DOCK4: variants seen among roughly 807,000 people sequenced by gnomAD.
DOCK4 encodes the protein dedicator of cytokinesis 4.
A neutral mutation model predicts 268.1 loss-of-function variants in DOCK4; 97 were observed. The observed-to-expected ratio is 0.36, with a 90% CI of 0.31 to 0.43. DOCK4 has a LOEUF of 0.43. DOCK4 is among the 20% of genes least tolerant of loss of function. The probability of loss-of-function intolerance (pLI) is 1.00; values close to 1 mark genes in which losing one functional copy is unlikely to be tolerated. For synonymous variants in DOCK4, 954 were observed against 887.2 expected, an observed-to-expected ratio of 1.08 and a Z score of -1.34; for missense variants, 2,145 against 2,455.7, an observed-to-expected ratio of 0.87 and a Z score of 2.67.
chr7:111,767,516 C>T (rs180734987), intron 37 of DOCK4, among the ~76,000 whole-genome samples: 7 of 152,176 alleles, frequency 4.6e-5, no homozygotes, highest in African/African-American at 7.2e-5. Context: ...TGAGCCACCG[C>T]GCCCGTCCAC....
chr7:111,748,416 G>T (rs11979621), intron 42 of DOCK4, among the ~76,000 whole-genome samples: 88,716 of 151,860 alleles, frequency 0.58, 26,606 homozygotes, highest in Non-Finnish European at 0.66. Flanking sequence ...TAAAAACCAG[G>T]AAGAAAAAGG....
chr7:111,839,032 C>A (rs1239423414), intron 25 of DOCK4, among the ~76,000 whole-genome samples: 2 of 152,182 alleles, frequency 1.3e-5, no homozygotes, highest in East Asian at 3.8e-4. Context: ...AGATAATTAT[C>A]TCTTAAGGTT....
At chr7:111,819,438 C>T (rs1163782779) in intron 27 of DOCK4, 1 of 152,162 alleles carries the variant, frequency 6.6e-6, no homozygotes. Flanking sequence ...CATGAGATAG[C>T]TCTACAGCAA....
chr7:111,902,483 T>G (rs768095119), intron 13 of DOCK4, among the ~76,000 whole-genome samples: 1 of 152,194 alleles, frequency 6.6e-6, no homozygotes, highest in South Asian at 2.1e-4. Context: ...CTTGAGTTTT[T>G]AAAAATCTCA....
chr7:112,146,096 A>G (rs1385777244), intron 1 of DOCK4, among the ~76,000 whole-genome samples: 1 of 152,244 alleles, frequency 6.6e-6, no homozygotes, highest in Non-Finnish European at 1.5e-5. Context: ...GGCAGTATTC[A>G]TCAAACACTT....
At position 111,977,245 on chromosome 7, in the gene DOCK4, C is replaced by T; in HGVS notation, c.588G>A (p.Gln196=). Residue 196 remains glutamine, a synonymous_variant, in exon 8 of 53, where the codon CAG becomes CAA. Transcript: ENST00000428084. The part of the protein sequence containing the change: ...HRHRKKDTPV[Q]ASSHHLFVQM... ...GGACAAAGAGGTGGTGACTGCTGGC[C>T]TGCACCGGGGTGTCTTTCTTCCGAT... 6.2e-7 allele frequency: 1 copy of T among 1,608,760 alleles called. No individual in the cohort carries two copies.
chr7:111,946,989 A>T (rs1485399609), intron 8 of DOCK4, among the ~76,000 whole-genome samples: 1 of 152,220 alleles, frequency 6.6e-6, no homozygotes, highest in Non-Finnish European at 1.5e-5. Flanking sequence ...GTGAGCTTCA[A>T]ATTTTAACTG....
intron 1 of DOCK4, among the ~76,000 whole-genome samples, chr7:112,015,461 C>T (rs1438833322): frequency 6.6e-6 from 1 of 152,168 alleles, no homozygotes; most frequent in Non-Finnish European, 1.5e-5. Flanking sequence ...ATTCTTTTAT[C>T]TCTACTTCTC....
At chr7:111,952,340 G>A (rs1796121092) in intron 8 of DOCK4, among the ~76,000 whole-genome samples, 1 of 152,152 alleles carries the variant, frequency 6.6e-6, no homozygotes, top group Non-Finnish European at 1.5e-5. Context: ...GCACAGTAGG[G>A]ATCTGAAGGT....
Position 111,729,174 on chromosome 7 carries a change from G to A in DOCK4, c.5482-454C>T, listed in dbSNP as rs564064408. 2.6e-5 allele frequency among the ~76,000 whole-genome samples: 4 copies of A among 152,318 alleles called. No homozygotes were observed. The East Asian group carries it at 7.7e-4, about 29-fold the overall frequency. On this transcript the variant is annotated intron_variant, in intron 52 of 52. Transcript: ENST00000428084. Reference sequence around the variant, plus strand: ...TCAAATTTGAGTGTTGTCCTTTGTAGCACTGAAAATGCACACCAGACGTTT... The same window carrying A: ...TCAAATTTGAGTGTTGTCCTTTGTAACACTGAAAATGCACACCAGACGTTT...
chr7:112,017,439 T>A (rs983189937), intron 1 of DOCK4, among the ~76,000 whole-genome samples: 1 of 152,130 alleles, frequency 6.6e-6, no homozygotes, highest in Non-Finnish European at 1.5e-5. Context: ...AACTGGGTGA[T>A]GGGAGGGATT....
intron 14 of DOCK4, among the ~76,000 whole-genome samples, chr7:111,900,852 T>G (rs1159908991): frequency 6.6e-6 from 1 of 152,228 alleles, no homozygotes; most frequent in Non-Finnish European, 1.5e-5. Context: ...AAGCCTGTTT[T>G]GTGCCTCAGT....
At chr7:112,033,921 T>C (rs1448266771) in intron 1 of DOCK4, among the ~76,000 whole-genome samples, 2 of 152,092 alleles carry the variant, frequency 1.3e-5, no homozygotes, top group African/African-American at 4.8e-5. Flanking sequence ...GAAATAAGAG[T>C]TCTCAAATGA....
intron 28 of DOCK4, among the ~76,000 whole-genome samples, chr7:111,809,988 CA>C (rs141294490): frequency 0.034 from 4,271 of 126,094 alleles, 220 homozygotes; most frequent in African/African-American, 0.11. Context: ...ATAAACTTAG[CA>C]AAAAAAAAAA....
chr7:111,801,481 A>G (rs963017097), intron 30 of DOCK4, among the ~76,000 whole-genome samples: 29 of 152,122 alleles, frequency 1.9e-4, no homozygotes, highest in African/African-American at 6.5e-4. Context: ...GTGTTCTTCC[A>G]TTCATCAGAG....
chr7:111,858,119 G>A (rs925725410), intron 23 of DOCK4, among the ~76,000 whole-genome samples: 1 of 152,160 alleles, frequency 6.6e-6, no homozygotes, highest in Non-Finnish European at 1.5e-5. Flanking sequence ...AGGCTGCCCA[G>A]AGACCCTTAA....
intron 52 of DOCK4, among the ~76,000 whole-genome samples, chr7:111,729,682 C>G (rs968386688): frequency 6.6e-6 from 1 of 152,156 alleles, no homozygotes; most frequent in Non-Finnish European, 1.5e-5. Flanking sequence ...TATTCACTTT[C>G]CCAGCTCAGC....
chr7:112,108,410 C>T (rs755878124), intron 1 of DOCK4, among the ~76,000 whole-genome samples: 3 of 152,100 alleles, frequency 2.0e-5, no homozygotes, highest in Non-Finnish European at 2.9e-5. Flanking sequence ...TTTTAAACTT[C>T]GTAGGACAAG....
intron 1 of DOCK4, among the ~76,000 whole-genome samples, chr7:112,078,963 T>TA (rs1808340816): frequency 2.6e-5 from 4 of 152,016 alleles, no homozygotes; most frequent in Admixed American, 2.6e-4. Context: ...CCGTCTCTAC[T>TA]AAAAATACAA....
Sources: allele counts gnomAD v4.1 joint callset (sites outside exome capture counted in the v4.1 genomes callset), GRCh38; gene constraint gnomAD v4.1.1; transcripts MANE v1.5; gene names NCBI Gene and HGNC (gene_info 2026-07-23, HGNC 2026-07-21).